The following TOX variants were observed in gnomAD, a reference collection of about 807,000 sequenced individuals.
The protein encoded by TOX is thymocyte selection associated high mobility group box.
TOX carries 11 observed loss-of-function variants against 53.7 expected under a neutral mutation model. The ratio of observed to expected loss-of-function variants is 0.20; its 90% CI spans 0.13 to 0.34. The LOEUF (loss-of-function observed/expected upper bound fraction) is 0.34, where lower values mean the gene tolerates loss of function less well. Ranked by LOEUF, TOX falls within the 10% of genes least tolerant of loss-of-function variation. The probability of loss-of-function intolerance (pLI) is 1.00; values close to 1 mark genes in which losing one functional copy is unlikely to be tolerated. For synonymous variants in TOX, 225 were observed against 245.3 expected, an observed-to-expected ratio of 0.92 and a Z score of 0.77; for missense variants, 570 against 664.6, an observed-to-expected ratio of 0.86 and a Z score of 1.56.
intron 1 of TOX, among the ~76,000 whole-genome samples, chr8:58,989,911 T>C (rs1372600135): frequency 6.6e-6 from 1 of 152,066 alleles, no homozygotes; most frequent in African/African-American, 2.4e-5. Flanking sequence ...ACAACCAACA[T>C]CATCTTGATC....
intron 1 of TOX, among the ~76,000 whole-genome samples, chr8:59,046,945 T>C (rs1803695835): frequency 6.7e-6 from 1 of 149,390 alleles, no homozygotes; most frequent in Non-Finnish European, 1.5e-5. Context: ...AACTGAATCA[T>C]CATCCACCAC....
chr8:59,106,856 T>C (rs895387589), intron 1 of TOX, among the ~76,000 whole-genome samples: 1 of 152,198 alleles, frequency 6.6e-6, no homozygotes, highest in Non-Finnish European at 1.5e-5. Context: ...GAAATCATTA[T>C]GCCCTGAATT....
chr8:58,938,132 A>C (rs976932835), intron 3 of TOX, among the ~76,000 whole-genome samples: 3 of 152,164 alleles, frequency 2.0e-5, no homozygotes, highest in African/African-American at 7.2e-5. Flanking sequence ...ATTGTGTATT[A>C]GGCAGTAGGC....
At chr8:59,020,097 A>C (rs1814094880) in intron 1 of TOX, among the ~76,000 whole-genome samples, 1 of 152,226 alleles carries the variant, frequency 6.6e-6, no homozygotes, top group Non-Finnish European at 1.5e-5. Flanking sequence ...CTTAGCTCGG[A>C]AGATAGTACA....
chr8:59,023,832 C>T (rs773780885), intron 1 of TOX, among the ~76,000 whole-genome samples: 33 of 152,156 alleles, frequency 2.2e-4, no homozygotes, highest in Admixed American at 4.6e-4. Context: ...TTATAGTCAT[C>T]TGTTGGTCAC....
At chr8:58,833,298 C>T (rs1033019808) in intron 5 of TOX, among the ~76,000 whole-genome samples, 9 of 152,186 alleles carry the variant, frequency 5.9e-5, no homozygotes, top group African/African-American at 2.2e-4. Flanking sequence ...TTTCCTTTTT[C>T]ACTTAAGAGC....
chr8:58,980,194 T>C (rs186734987), intron 1 of TOX, among the ~76,000 whole-genome samples: 3 of 152,318 alleles, frequency 2.0e-5, no homozygotes, highest in South Asian at 2.1e-4. Context: ...TTGTAAAGCC[T>C]GAGAACAAGA....
chr8:59,054,976 C>T lies in TOX; in HGVS notation c.102+63910G>A, dbSNP rs1442127812. ...GAGGAGGGAGGGAGGAAGGAAGGGA[C>T]GGAGGGAGGGAGGGAGGGAAAGGAA... is the stretch of plus-strand genomic sequence containing the variant. On this transcript the variant is annotated intron_variant, in intron 1 of 8. Coordinates refer to ENST00000361421, the MANE Select transcript of TOX (RefSeq NM_014729.3). Among the ~76,000 whole-genome samples the T allele has an allele frequency of 1.8e-3, 185 of 105,696 alleles. 2 individuals are homozygous for T. The highest frequency in any genetic ancestry group is 5.8e-3 in the African/African-American group (175 of 30,414). The allele number at this position is 105,696 out of a possible 152,430, so 69.3% of individuals were successfully genotyped here.
intron 1 of TOX, among the ~76,000 whole-genome samples, chr8:59,061,606 C>T (rs2129421976): frequency 6.6e-6 from 1 of 152,256 alleles, no homozygotes; most frequent in Middle Eastern, 3.4e-3. Context: ...CCCCATCTGG[C>T]TGTAAAGATC....
At chr8:58,967,937 T>C (rs2129179347) in intron 1 of TOX, among the ~76,000 whole-genome samples, 1 of 152,320 alleles carries the variant, frequency 6.6e-6, no homozygotes, top group Non-Finnish European at 1.5e-5. Context: ...TGCAATGCTA[T>C]GCTAATCTCA....
intron 3 of TOX, among the ~76,000 whole-genome samples, chr8:58,893,091 A>G (rs1037062131): frequency 2.6e-5 from 4 of 152,190 alleles, no homozygotes; most frequent in Admixed American, 2.0e-4. Flanking sequence ...TTTTGCTCCA[A>G]TTGCCATTTA....
chr8:58,940,026 A>T (rs1306450264), intron 2 of TOX, among the ~76,000 whole-genome samples: 1 of 152,250 alleles, frequency 6.6e-6, no homozygotes, highest in East Asian at 1.9e-4. Flanking sequence ...TTGACAAAAG[A>T]AAATGTCGTA....
At chr8:58,861,113 G>A (rs1359895016) in intron 3 of TOX, among the ~76,000 whole-genome samples, 1 of 152,180 alleles carries the variant, frequency 6.6e-6, no homozygotes, top group Non-Finnish European at 1.5e-5. Flanking sequence ...GTGAGCCCTT[G>A]AAAGGGCTTT....
intron 2 of TOX, among the ~76,000 whole-genome samples, chr8:58,949,907 C>T (rs111747086): frequency 1.7e-5 from 2 of 118,670 alleles, no homozygotes; most frequent in Admixed American, 1.8e-4. Flanking sequence ...TTCATATACA[C>T]GTGTAATATA....
chr8:58,958,031 C>A (rs769114208), intron 2 of TOX, among the ~76,000 whole-genome samples: 1 of 152,114 alleles, frequency 6.6e-6, no homozygotes, highest in African/African-American at 2.4e-5. Context: ...TTACACTAGT[C>A]TAAATTTTAA....
intron 1 of TOX, among the ~76,000 whole-genome samples, chr8:59,046,748 C>G (rs943197000): frequency 6.7e-6 from 1 of 148,836 alleles, no homozygotes; most frequent in African/African-American, 2.5e-5. Context: ...GTCTCAGCTA[C>G]TTGGGAGGCT....
intron 3 of TOX, among the ~76,000 whole-genome samples, chr8:58,932,652 G>C (rs1164419088): frequency 6.6e-6 from 1 of 152,082 alleles, no homozygotes; most frequent in Admixed American, 6.6e-5. Flanking sequence ...GGCTTTGAAA[G>C]CTGCATTATT....
chr8:59,095,682 G>A (rs953433530), intron 1 of TOX, among the ~76,000 whole-genome samples: 4 of 152,228 alleles, frequency 2.6e-5, no homozygotes, highest in African/African-American at 9.6e-5. Flanking sequence ...TTACAGGCGT[G>A]AGCCACTGCG....
rs184578379 is a variant in TOX, at chr8:58,883,015, C to T, written c.412-31210G>A. Among the ~76,000 whole-genome samples the T allele has an allele frequency of 2.4e-4, 37 of 152,326 alleles. 1 individual carries two copies. Among genetic ancestry groups the T allele is most frequent in the Non-Finnish European group, 4.9e-4 (33 of 68,034 alleles). On this transcript the variant is annotated intron_variant, in intron 3 of 8. Transcript: ENST00000361421. The stretch of plus-strand genomic sequence containing the variant: ...AGGCAAACCATAGATTTCTCTGACA[C>T]ACACACGTACACGACCCACCTGCTT...
Sources: allele counts gnomAD v4.1 joint callset (sites outside exome capture counted in the v4.1 genomes callset), GRCh38; gene constraint gnomAD v4.1.1; transcripts MANE v1.5; gene names NCBI Gene and HGNC (gene_info 2026-07-23, HGNC 2026-07-21).